C1orf87: variants seen among roughly 807,000 people sequenced by gnomAD.
C1orf87 encodes the protein chromosome 1 open reading frame 87, also known as uncharacterized protein C1orf87.
C1orf87 carries 58 observed loss-of-function variants against 60.5 expected under a neutral mutation model. The observed-to-expected ratio is 0.96, with a 90% CI of 0.78 to 1.19. The LOEUF (loss-of-function observed/expected upper bound fraction) is 1.19, where lower values mean the gene tolerates loss of function less well. Among genes scored for constraint, C1orf87 ranks in the 50% most tolerant of loss-of-function variants. C1orf87 has a pLI of 0.00. For missense variants in C1orf87, 673 were observed against 638.6 expected (o/e 1.05, Z -0.58); for synonymous variants, 236 against 227.4 (o/e 1.04, Z -0.34).
intron 3 of C1orf87, among the ~76,000 whole-genome samples, chr1:60,050,651 T>C (rs1025542382): frequency 1.3e-5 from 2 of 152,074 alleles, no homozygotes; most frequent in Non-Finnish European, 2.9e-5. Context: ...TGTAATTGCA[T>C]TGGCAAATAT....
intron 2 of C1orf87, among the ~76,000 whole-genome samples, chr1:60,058,616 T>C (rs982479541): frequency 2.0e-5 from 3 of 152,208 alleles, no homozygotes; most frequent in South Asian, 4.1e-4. Context: ...ATCAACCGTA[T>C]AGTCAGGTGT....
intron 1 of C1orf87, among the ~76,000 whole-genome samples, chr1:60,073,306 C>T (rs1246938046): frequency 2.0e-5 from 3 of 152,150 alleles, no homozygotes; most frequent in Admixed American, 2.0e-4. Flanking sequence ...ATCAGAAGTT[C>T]AGTAAATCTG....
At chr1:59,997,853 C>T (rs1361834087) in intron 10 of C1orf87, 37 bp from the exon 11 acceptor site, 2 of 1,587,640 alleles carry the variant, frequency 1.3e-6, no homozygotes, top group African/African-American at 1.3e-5. Flanking sequence ...ACACATTCAC[C>T]ACCCAGAGCT....
intron 11 of C1orf87, among the ~76,000 whole-genome samples, chr1:59,991,339 G>A (rs775620315): frequency 2.6e-5 from 4 of 152,088 alleles, no homozygotes; most frequent in Non-Finnish European, 5.9e-5. Context: ...CTCCCCAACA[G>A]TGATACCTAC....
intron 2 of C1orf87, among the ~76,000 whole-genome samples, chr1:60,066,331 G>A (rs1010992227): frequency 1.3e-5 from 2 of 152,172 alleles, no homozygotes; most frequent in African/African-American, 4.8e-5. Flanking sequence ...TACTGCCACA[G>A]CTTTATCAAC....
intron 6 of C1orf87, among the ~76,000 whole-genome samples, chr1:60,037,520 A>G (rs1645286337): frequency 6.6e-6 from 1 of 152,188 alleles, no homozygotes; most frequent in Non-Finnish European, 1.5e-5. Flanking sequence ...GGCAAGGGTG[A>G]GAGATAAACC....
In C1orf87 at chr1:60,039,906, A is replaced by G. The variant is rs680390; in HGVS notation, c.747+11T>C. ...AAGGAACCCACACTTCCAATAGTAC[A>G]ATTGCCATACCATTTCAGGAGAACC... On this transcript the variant is annotated intron_variant, in intron 5 of 11. Coordinates refer to ENST00000371201, the MANE Select transcript of C1orf87 (RefSeq NM_152377.3). 0.89 allele frequency: 1,438,781 copies of G among 1,610,162 alleles called. 644,832 individuals are homozygous for G. The highest frequency in any genetic ancestry group is 0.91 in the African/African-American group (68,197 of 74,614).
intron 7 of C1orf87, among the ~76,000 whole-genome samples, chr1:60,029,680 A>G (rs1964326): frequency 1.7e-5 from 2 of 114,620 alleles, no homozygotes; most frequent in Admixed American, 1.2e-4. Flanking sequence ...TTGCTCTGTC[A>G]CCCAGGCTGG....
intron 3 of C1orf87, among the ~76,000 whole-genome samples, chr1:60,053,225 C>T (rs1645427235): frequency 6.6e-6 from 1 of 152,116 alleles, no homozygotes. Context: ...GCCCATAAGG[C>T]GTTTGTTAAG....
At chr1:60,042,514 C>T (rs1645333227) in intron 3 of C1orf87, among the ~76,000 whole-genome samples, 1 of 152,108 alleles carries the variant, frequency 6.6e-6, no homozygotes, top group African/African-American at 2.4e-5. Flanking sequence ...AAGGAAAAAC[C>T]AAGACGCTCT....
At position 60,020,848 on chromosome 1, in the gene C1orf87, C is replaced by A. The variant is rs907578285; in HGVS notation, c.1127+4553G>T. ...AAAAGAACATGAGATTTGGGAGGAC[C>A]TGGGGGCAGAATGATATTGTTTGGC... On this transcript the variant is annotated intron_variant, in intron 8 of 11. Transcript: ENST00000371201. 4.6e-5 allele frequency among the ~76,000 whole-genome samples: 7 copies of A among 152,050 alleles called. 1 individual carries two copies. The highest frequency in any genetic ancestry group is 4.2e-4 in the South Asian group (2 of 4,814).
intron 6 of C1orf87, among the ~76,000 whole-genome samples, chr1:60,035,600 T>C (rs1394551429): frequency 1.3e-5 from 2 of 152,256 alleles, no homozygotes; most frequent in African/African-American, 4.8e-5. Context: ...CCTGTATTTC[T>C]ACAAACATAC....
chr1:60,023,673 A>G (rs1645179287), intron 8 of C1orf87, among the ~76,000 whole-genome samples: 1 of 152,176 alleles, frequency 6.6e-6, no homozygotes, highest in African/African-American at 2.4e-5. Flanking sequence ...TTGATACATT[A>G]TGATTAAAGT....
chr1:59,997,100 T>G (rs1166685670), intron 11 of C1orf87, among the ~76,000 whole-genome samples: 1 of 151,852 alleles, frequency 6.6e-6, no homozygotes, highest in Admixed American at 6.6e-5. Context: ...GGGGTTGGGG[T>G]AAGTAGAGAG....
At chr1:60,037,959 G>T in intron 6 of C1orf87, 33 bp downstream of exon 6, 1 of 1,463,830 alleles carries the variant, frequency 6.8e-7, no homozygotes, top group Non-Finnish European at 9.5e-7. Context: ...AGACACCTAG[G>T]AACAATACCC....
chr1:59,995,032 G>C (rs1164193095), intron 11 of C1orf87, among the ~76,000 whole-genome samples: 1 of 152,176 alleles, frequency 6.6e-6, no homozygotes, highest in Non-Finnish European at 1.5e-5. Flanking sequence ...CATGGAAACA[G>C]AGAAAACAGG....
intron 9 of C1orf87, chr1:60,008,691 C>G (rs943541321): frequency 2.2e-6 from 1 of 456,226 alleles, no homozygotes; most frequent in Non-Finnish European, 4.4e-6. Flanking sequence ...TCAGCATTCT[C>G]AGCCCTAGCC....
At chr1:60,022,258 G>C (rs1270223921) in intron 8 of C1orf87, among the ~76,000 whole-genome samples, 1 of 151,920 alleles carries the variant, frequency 6.6e-6, no homozygotes, top group East Asian at 2.0e-4. Flanking sequence ...TAGAAACAGA[G>C]TTCAGTTAGG....
chr1:60,010,911 T>A (rs1200661812), intron 8 of C1orf87: 1 of 121,730 alleles, frequency 8.2e-6, no homozygotes, highest in African/African-American at 3.2e-5. Context: ...AATAAATAAA[T>A]AAAAACTGTC....
Sources: gnomAD v4.1 joint callset for allele counts (sites outside exome capture counted in the v4.1 genomes callset) on GRCh38, gnomAD v4.1.1 for gene constraint, MANE v1.5 for transcripts, NCBI Gene and HGNC (gene_info 2026-07-23, HGNC 2026-07-21) for gene names.